The following SUCLG2 variants were observed in gnomAD, a reference collection of about 807,000 sequenced individuals.
SUCLG2 encodes the protein succinate-CoA ligase GDP-forming subunit beta.
SUCLG2 carries 42 observed loss-of-function variants against 47.9 expected under a neutral mutation model. The ratio of observed to expected loss-of-function variants is 0.88; its 90% CI spans 0.69 to 1.14. The LOEUF (loss-of-function observed/expected upper bound fraction) is 1.14. SUCLG2 is among the 50% of genes most tolerant of loss of function. The pLI, the probability that SUCLG2 is intolerant of heterozygous loss-of-function variation, is 0.00. For synonymous variants in SUCLG2, 195 were observed against 197.3 expected (o/e 0.99, Z 0.10); for missense variants, 571 against 525.9 (o/e 1.09, Z -0.84).
At position 67,581,980 on chromosome 3, in the gene SUCLG2, A is replaced by G. The variant is rs530903805; in HGVS notation, c.226+27475T>C. ...ATATTAACTTACAATACCCAAATTA[A>G]GAAGCCAAATTAGGAACTCTGTTTA... On this transcript the variant is annotated intron_variant, in intron 2 of 10. Coordinates refer to ENST00000307227, the MANE Select transcript of SUCLG2 (RefSeq NM_003848.4). Among the ~76,000 whole-genome samples the G allele has an allele frequency of 1.6e-3, 241 of 152,352 alleles. 1 individual carries two copies. The highest frequency in any genetic ancestry group is 5.7e-3 in the African/African-American group (237 of 41,592).
intron 1 of SUCLG2, among the ~76,000 whole-genome samples, chr3:67,614,200 T>C (rs547121427): frequency 2.1e-4 from 32 of 152,234 alleles, no homozygotes; most frequent in African/African-American, 7.7e-4. Context: ...GCCTTTTGAT[T>C]GTTTCTGCCA....
chr3:67,468,012 A>G (rs186626138), intron 9 of SUCLG2, among the ~76,000 whole-genome samples: 115 of 152,308 alleles, frequency 7.6e-4, no homozygotes, highest in African/African-American at 2.7e-3. Flanking sequence ...CAGATGCCCA[A>G]ATGAGTGCTA....
chr3:67,428,915 G>C (rs1415952315), intron 9 of SUCLG2, among the ~76,000 whole-genome samples: 1 of 152,164 alleles, frequency 6.6e-6, no homozygotes, highest in Non-Finnish European at 1.5e-5. Flanking sequence ...AGAGTAAAAA[G>C]AAATGAACAA....
chr3:67,366,508 G>C (rs1701877391), intron 10 of SUCLG2, among the ~76,000 whole-genome samples: 1 of 152,146 alleles, frequency 6.6e-6, no homozygotes, highest in African/African-American at 2.4e-5. Flanking sequence ...AGCTGCCATG[G>C]TGCCAGGGAA....
At chr3:67,622,829 G>A (rs1036409068) in intron 1 of SUCLG2, among the ~76,000 whole-genome samples, 3 of 152,140 alleles carry the variant, frequency 2.0e-5, no homozygotes, top group African/African-American at 7.2e-5. Flanking sequence ...CAAGAGTAAC[G>A]GACACTCCCT....
intron 2 of SUCLG2, among the ~76,000 whole-genome samples, chr3:67,594,437 C>T (rs1037128166): frequency 6.6e-6 from 1 of 152,168 alleles, no homozygotes; most frequent in African/African-American, 2.4e-5. Context: ...ATCTCGGCCT[C>T]TCCTGTCACC....
chr3:67,548,278 C>T (rs753183973), intron 2 of SUCLG2, among the ~76,000 whole-genome samples: 1 of 152,142 alleles, frequency 6.6e-6, no homozygotes, highest in Non-Finnish European at 1.5e-5. Context: ...GATTTTTCCC[C>T]AATGTTCTAT....
intron 2 of SUCLG2, among the ~76,000 whole-genome samples, chr3:67,557,416 G>T (rs1271381983): frequency 6.6e-6 from 1 of 152,024 alleles, no homozygotes; most frequent in Admixed American, 6.6e-5. Flanking sequence ...GACCACCAAG[G>T]TGAATAAAAC....
At chr3:67,594,999 A>G (rs935821069) in intron 2 of SUCLG2, among the ~76,000 whole-genome samples, 1 of 152,206 alleles carries the variant, frequency 6.6e-6, no homozygotes, top group Non-Finnish European at 1.5e-5. Flanking sequence ...CCCCACCAAA[A>G]AAACTACTTT....
intron 1 of SUCLG2, among the ~76,000 whole-genome samples, chr3:67,632,299 C>A (rs1448642502): frequency 1.3e-5 from 2 of 152,084 alleles, no homozygotes; most frequent in African/African-American, 4.8e-5. Flanking sequence ...TCTCGTGTCT[C>A]AGTCTCCCAA....
intron 9 of SUCLG2, among the ~76,000 whole-genome samples, chr3:67,450,715 C>T (rs1704036670): frequency 6.6e-6 from 1 of 152,186 alleles, no homozygotes; most frequent in South Asian, 2.1e-4. Flanking sequence ...TCTCAAGAAT[C>T]ACCAGGTCCC....
chr3:67,415,439 G>A (rs1486137550), intron 9 of SUCLG2, among the ~76,000 whole-genome samples: 1 of 152,054 alleles, frequency 6.6e-6, no homozygotes, highest in East Asian at 1.9e-4. Flanking sequence ...TTAACTTACT[G>A]ATATCTCACC....
intron 2 of SUCLG2, among the ~76,000 whole-genome samples, chr3:67,531,387 A>C (rs890488063): frequency 6.6e-6 from 1 of 152,230 alleles, no homozygotes; most frequent in Non-Finnish European, 1.5e-5. Flanking sequence ...TCCAGCAGCA[A>C]AACTTGAAAG....
intron 1 of SUCLG2, among the ~76,000 whole-genome samples, chr3:67,635,141 G>T (rs768965903): frequency 6.6e-6 from 1 of 152,174 alleles, no homozygotes; most frequent in Non-Finnish European, 1.5e-5. Context: ...AAAACAACAT[G>T]AAGTGACCTA....
At chr3:67,606,137 C>T (rs926620403) in intron 2 of SUCLG2, among the ~76,000 whole-genome samples, 2 of 152,048 alleles carry the variant, frequency 1.3e-5, no homozygotes, top group African/African-American at 2.4e-5. Context: ...CCCAGGAGTT[C>T]GAGATTGCAC....
chr3:67,564,441 G>A (rs943172625), intron 2 of SUCLG2, among the ~76,000 whole-genome samples: 4 of 152,082 alleles, frequency 2.6e-5, no homozygotes, highest in African/African-American at 4.8e-5. Context: ...ATGGCAAACT[G>A]TATTAGTGAA....
chr3:67,577,469 TAAGTAA>T (rs1400928448), intron 2 of SUCLG2, among the ~76,000 whole-genome samples: 1 of 152,166 alleles, frequency 6.6e-6, no homozygotes, highest in African/African-American at 2.4e-5. Flanking sequence ...CGAATTGCAC[TAAGTAA>T]AAGAAGACAT....
At chr3:67,564,310 T>A (rs1033398252) in intron 2 of SUCLG2, among the ~76,000 whole-genome samples, 2 of 152,142 alleles carry the variant, frequency 1.3e-5, no homozygotes, top group African/African-American at 4.8e-5. Context: ...CTCACTAGCT[T>A]TCCCCCCTCC....
At chr3:67,527,135 A>T (rs75223396) in intron 4 of SUCLG2, among the ~76,000 whole-genome samples, 1 of 152,256 alleles carries the variant, frequency 6.6e-6, no homozygotes, top group African/African-American at 2.4e-5. Flanking sequence ...TGATAAATAC[A>T]ACAACTTAAG....
Sources: allele counts gnomAD v4.1 joint callset (sites outside exome capture counted in the v4.1 genomes callset), GRCh38; gene constraint gnomAD v4.1.1; transcripts MANE v1.5; gene names NCBI Gene and HGNC (gene_info 2026-07-23, HGNC 2026-07-21).